The following EYA2 variants were observed in gnomAD, a reference collection of about 807,000 sequenced individuals.
EYA2 encodes protein phosphatase EYA2.
Under a neutral mutation model 69.2 loss-of-function variants are expected in EYA2, and 31 were observed. That is an observed-to-expected ratio of 0.45 (90% CI 0.34 to 0.60). EYA2 has a LOEUF of 0.60. EYA2 is among the 20% of genes least tolerant of loss of function. The pLI, the probability that EYA2 is intolerant of heterozygous loss-of-function variation, is 0.02. For synonymous variants in EYA2, 257 were observed against 279.4 expected, an observed-to-expected ratio of 0.92 and a Z score of 0.80; for missense variants, 622 against 701.2, an observed-to-expected ratio of 0.89 and a Z score of 1.28.
At chr20:46,979,240 G>A (rs778040570) in intron 1 of EYA2, among the ~76,000 whole-genome samples, 8 of 152,146 alleles carry the variant, frequency 5.3e-5, no homozygotes, top group African/African-American at 9.6e-5. Flanking sequence ...CTTTGAAGCT[G>A]CCCCTGCCCC....
intron 1 of EYA2, among the ~76,000 whole-genome samples, chr20:46,955,117 TC>T (rs1181508107): frequency 2.6e-5 from 4 of 151,042 alleles, no homozygotes; most frequent in African/African-American, 9.7e-5. Flanking sequence ...TTCATTTCCT[TC>T]CACACTCGTT....
At position 46,980,798 on chromosome 20, in the gene EYA2, C is replaced by T. The variant is rs959554987; in HGVS notation, c.-10-9203C>T. Among the ~76,000 whole-genome samples the T allele has an allele frequency of 5.3e-5, 8 of 152,324 alleles. No homozygotes were observed. The South Asian group carries it at 1.2e-3, about 24-fold the overall frequency. On this transcript the variant is annotated intron_variant, in intron 1 of 15. Coordinates refer to ENST00000327619, the MANE Select transcript of EYA2 (RefSeq NM_005244.5). ...TGGCCTTCAGTAATCACAGTCTACT[C>T]TCTATCTTCATGAGATCTACTTTTT...
At chr20:47,002,533 A>G (rs1234158011) in intron 3 of EYA2, among the ~76,000 whole-genome samples, 1 of 152,120 alleles carries the variant, frequency 6.6e-6, no homozygotes, top group African/African-American at 2.4e-5. Context: ...AAAGGACATG[A>G]TCTTGTTCCT....
intron 1 of EYA2, among the ~76,000 whole-genome samples, chr20:46,975,241 TCA>T (rs1980392276): frequency 1.3e-5 from 2 of 152,196 alleles, no homozygotes; most frequent in South Asian, 4.1e-4. Context: ...TGCACCAACC[TCA>T]GTTTCCTGGC....
rs550931833 is a variant in EYA2 at position 46,978,428 on chromosome 20, G to A, written c.-10-11573G>A. The A allele has an allele frequency of 2.9e-4, 109 of 378,950 alleles. 1 individual carries two copies. The highest frequency in any genetic ancestry group is 5.1e-4 in the East Asian group (7 of 13,676). The allele number at this position is 378,950 out of a possible 1,614,324, so 23.5% of individuals were successfully genotyped here. On this transcript the variant is annotated intron_variant, in intron 1 of 15. Coordinates refer to ENST00000327619, the MANE Select transcript of EYA2 (RefSeq NM_005244.5). ...AAATCCTGCCGGAACTGAGGCCTCTGCAGGGTGAGCAGGAGGGACTGGAGT... is the reference window on the plus strand; with the variant it reads ...AAATCCTGCCGGAACTGAGGCCTCTACAGGGTGAGCAGGAGGGACTGGAGT...
At chr20:46,979,121 A>G (rs1330212837) in intron 1 of EYA2, among the ~76,000 whole-genome samples, 1 of 152,324 alleles carries the variant, frequency 6.6e-6, no homozygotes, top group African/African-American at 2.4e-5. Flanking sequence ...TGCATCTGAC[A>G]GACAGGGCCA....
At chr20:46,932,204 C>T (rs1273741172) in intron 1 of EYA2, among the ~76,000 whole-genome samples, 1 of 151,996 alleles carries the variant, frequency 6.6e-6, no homozygotes, top group African/African-American at 2.4e-5. Flanking sequence ...ACCCCCCATC[C>T]CCGGGTTTGC....
At chr20:47,015,522 A>G (rs560930311) in intron 4 of EYA2, among the ~76,000 whole-genome samples, 18 of 152,274 alleles carry the variant, frequency 1.2e-4, no homozygotes, top group African/African-American at 3.1e-4. Flanking sequence ...ATCCTAATGG[A>G]CATTTAAGCC....
intron 1 of EYA2, among the ~76,000 whole-genome samples, chr20:46,988,000 G>C (rs756481619): frequency 3.1e-5 from 1 of 32,316 alleles, no homozygotes; most frequent in Non-Finnish European, 6.6e-5. Flanking sequence ...ATATATATGG[G>C]GCAAAAAAAA....
In EYA2 at chr20:47,149,084, CA is replaced by C. The variant is rs796440829; in HGVS notation, c.978+5948del. Among the ~76,000 whole-genome samples, 156 of 133,166 alleles carry C rather than the reference CA, an allele frequency of 1.2e-3. No individual in the cohort carries two copies. The East Asian group carries it at 0.012, about 10-fold the overall frequency. 87.4% of individuals were successfully genotyped at this position (133,166 alleles called of 152,430 possible). On this transcript the variant is annotated intron_variant, in intron 10 of 15. Transcript: ENST00000327619. The stretch of plus-strand genomic sequence containing the variant: ...AGAGGGAGACTCCATCTCCAAAAAA[CA>C]AAAAAAAAAAACAAGTATTATTTAT...
intron 9 of EYA2, among the ~76,000 whole-genome samples, chr20:47,134,678 C>T (rs971030934): frequency 6.6e-6 from 1 of 152,116 alleles, no homozygotes; most frequent in Non-Finnish European, 1.5e-5. Context: ...TAGGAATTAA[C>T]AAACTTTTCC....
intron 9 of EYA2, among the ~76,000 whole-genome samples, chr20:47,099,012 A>G (rs1363866022): frequency 6.6e-6 from 1 of 152,236 alleles, no homozygotes; most frequent in Non-Finnish European, 1.5e-5. Context: ...CGAGTAATCT[A>G]TCTGGGAGGT....
intron 2 of EYA2, chr20:46,997,500 C>T (rs1982104092): frequency 6.6e-6 from 1 of 152,182 alleles, no homozygotes; most frequent in African/African-American, 2.4e-5. Flanking sequence ...CTCTACCCTC[C>T]CTACTTGGCA....
At chr20:46,915,423 C>T (rs555530113) in intron 1 of EYA2, among the ~76,000 whole-genome samples, 4 of 152,252 alleles carry the variant, frequency 2.6e-5, no homozygotes, top group African/African-American at 7.2e-5. Flanking sequence ...GGTGGCAGAA[C>T]GTGGATGTTA....
At position 47,049,866 on chromosome 20, in the gene EYA2, C is replaced by CG. The variant is rs1044314941; in HGVS notation, c.416-22319_416-22318insG. The stretch of plus-strand genomic sequence containing the variant: ...AGGCTCCCATCTGTGACAGACCCCC[C>CG]CCCCACCGCCACCAGTCTGTCTTTC... On this transcript the variant is annotated intron_variant, in intron 5 of 15. Transcript: ENST00000327619. Among the ~76,000 whole-genome samples the CG allele has an allele frequency of 5.3e-5, 8 of 151,228 alleles. No individual in the cohort carries two copies. In the East Asian group the frequency reaches 5.8e-4, roughly 11 times the overall value.
At chr20:46,961,566 T>A (rs1979481609) in intron 1 of EYA2, among the ~76,000 whole-genome samples, 1 of 152,186 alleles carries the variant, frequency 6.6e-6, no homozygotes, top group South Asian at 2.1e-4. Flanking sequence ...ATATCTGCAC[T>A]CTCATGTTCA....
At chr20:46,978,729 G>C (rs1396026398) in intron 1 of EYA2, 2 of 532,324 alleles carry the variant, frequency 3.8e-6, no homozygotes, top group Non-Finnish European at 7.7e-6. Flanking sequence ...GTGGGCAGGG[G>C]GGCTGCCGTG....
chr20:47,074,792 T>C (rs567832220), intron 7 of EYA2, among the ~76,000 whole-genome samples: 38 of 152,298 alleles, frequency 2.5e-4, no homozygotes, highest in South Asian at 1.2e-3. Flanking sequence ...ATGTAGGCCT[T>C]GGAGTTGATG....
chr20:46,918,568 A>C (rs1330379331), intron 1 of EYA2, among the ~76,000 whole-genome samples: 1 of 152,104 alleles, frequency 6.6e-6, no homozygotes, highest in East Asian at 1.9e-4. Context: ...TGGCCTCCCA[A>C]AGTGCTGGGA....
Sources: gnomAD v4.1 joint callset for allele counts (sites outside exome capture counted in the v4.1 genomes callset) on GRCh38, gnomAD v4.1.1 for gene constraint, MANE v1.5 for transcripts, NCBI Gene and HGNC (gene_info 2026-07-23, HGNC 2026-07-21) for gene names.